The following MARCHF1 variants were observed in gnomAD, a reference collection of about 807,000 sequenced individuals.
MARCHF1 encodes the protein E3 ubiquitin-protein ligase MARCHF1.
Under a neutral mutation model 54.2 loss-of-function variants are expected in MARCHF1, and 40 were observed. That is an observed-to-expected ratio of 0.74 (90% CI 0.57 to 0.96). The LOEUF is 0.96. Ranked by LOEUF, MARCHF1 falls within the 40% of genes least tolerant of loss-of-function variation. The probability of loss-of-function intolerance (pLI) is 0.00; values close to 1 mark genes in which losing one functional copy is unlikely to be tolerated. For synonymous variants in MARCHF1, 236 were observed against 236.3 expected, an observed-to-expected ratio of 1.00 and a Z score of 0.01; for missense variants, 586 against 656.5, an observed-to-expected ratio of 0.89 and a Z score of 1.17.
Position 163,727,338 on chromosome 4 carries a change from C to T in MARCHF1, c.112-26475G>A, listed in dbSNP as rs371519336. ...TCTTTTTTTTTTTTTGACGGAGTCTCGCTCTGTCGCCCAGGCTGGAGTGCA... is the reference window on the plus strand; with the variant it reads ...TCTTTTTTTTTTTTTGACGGAGTCTTGCTCTGTCGCCCAGGCTGGAGTGCA... On this transcript the variant is annotated intron_variant, in intron 4 of 9. Transcript: ENST00000514618. Among the ~76,000 whole-genome samples the T allele has an allele frequency of 3.1e-4, 47 of 149,244 alleles. No individual in the cohort carries two copies. The East Asian group carries it at 7.1e-3, about 22-fold the overall frequency.
At chr4:163,929,225 T>C (rs1265049454) in intron 3 of MARCHF1, among the ~76,000 whole-genome samples, 1 of 152,036 alleles carries the variant, frequency 6.6e-6, no homozygotes, top group Non-Finnish European at 1.5e-5. Flanking sequence ...GTACATTTCT[T>C]AGGATCACTG....
At chr4:164,122,304 C>T (rs1304725056) in intron 1 of MARCHF1, among the ~76,000 whole-genome samples, 3 of 152,078 alleles carry the variant, frequency 2.0e-5, no homozygotes, top group Non-Finnish European at 4.4e-5. Flanking sequence ...TAATGAAAAG[C>T]AACCCCAACT....
At chr4:163,955,369 CA>C (rs79667612) in intron 3 of MARCHF1, among the ~76,000 whole-genome samples, 1,899 of 93,774 alleles carry the variant, frequency 0.02, 23 homozygotes, top group African/African-American at 0.053. Flanking sequence ...AAAAACAAAG[CA>C]AAAAAAAAAA....
chr4:164,352,666 T>A (rs889348937), intron 1 of MARCHF1, among the ~76,000 whole-genome samples: 1 of 150,372 alleles, frequency 6.7e-6, no homozygotes, highest in African/African-American at 2.4e-5. Flanking sequence ...CATGCCAAAA[T>A]GTAAAGACCA....
chr4:164,339,929 C>A (rs991847258), intron 1 of MARCHF1, among the ~76,000 whole-genome samples: 1 of 151,980 alleles, frequency 6.6e-6, no homozygotes, highest in African/African-American at 2.4e-5. Flanking sequence ...ATATTATTAA[C>A]AATAACATGC....
At chr4:163,950,975 A>T (rs7695658) in intron 3 of MARCHF1, among the ~76,000 whole-genome samples, 2 of 152,134 alleles carry the variant, frequency 1.3e-5, no homozygotes, top group African/African-American at 4.8e-5. Context: ...TTATTGCAAA[A>T]GCATGAAATG....
chr4:164,121,843 C>T (rs891381494), intron 1 of MARCHF1, among the ~76,000 whole-genome samples: 14 of 152,044 alleles, frequency 9.2e-5, no homozygotes, highest in African/African-American at 2.7e-4. Flanking sequence ...ATTCACTCTA[C>T]AACATCAGTA....
intron 5 of MARCHF1, among the ~76,000 whole-genome samples, chr4:163,653,464 A>C (rs913737378): frequency 6.6e-6 from 1 of 151,724 alleles, no homozygotes; most frequent in Non-Finnish European, 1.5e-5. Context: ...AATAGAGTTT[A>C]TGAAGGTAGA....
At chr4:163,800,646 A>G (rs930949864) in intron 4 of MARCHF1, among the ~76,000 whole-genome samples, 11 of 152,062 alleles carry the variant, frequency 7.2e-5, no homozygotes, top group Non-Finnish European at 2.9e-5. Flanking sequence ...CCTTTTCACT[A>G]CGTTTAAGCA....
At chr4:164,094,753 C>A (rs1305741405) in intron 2 of MARCHF1, among the ~76,000 whole-genome samples, 1 of 151,816 alleles carries the variant, frequency 6.6e-6, no homozygotes, top group African/African-American at 2.4e-5. Flanking sequence ...CACTGGATTG[C>A]AAATTTAAAA....
At chr4:164,373,570 G>A (rs960704361) in intron 1 of MARCHF1, among the ~76,000 whole-genome samples, 2 of 151,796 alleles carry the variant, frequency 1.3e-5, no homozygotes, top group African/African-American at 4.8e-5. Flanking sequence ...GGCCAGGCTG[G>A]TCTTGAACTT....
chr4:164,159,618 G>A (rs1477172391), intron 1 of MARCHF1, among the ~76,000 whole-genome samples: 9 of 152,054 alleles, frequency 5.9e-5, no homozygotes, highest in South Asian at 2.1e-4. Flanking sequence ...ATTACAGCAC[G>A]TTCTCAATAT....
chr4:163,939,986 G>T (rs939176587), intron 3 of MARCHF1, among the ~76,000 whole-genome samples: 2 of 152,126 alleles, frequency 1.3e-5, no homozygotes, highest in Non-Finnish European at 2.9e-5. Flanking sequence ...TAGGAGGTGG[G>T]ACTTTTGGAG....
intron 9 of MARCHF1, 139 bp downstream of exon 9, chr4:163,545,457 G>C: frequency 1.4e-6 from 1 of 706,594 alleles, no homozygotes; most frequent in Non-Finnish European, 2.3e-6. Context: ...AACATGATTA[G>C]GGAAGAATCA....
intron 3 of MARCHF1, among the ~76,000 whole-genome samples, chr4:163,956,550 G>A (rs1219786125): frequency 6.6e-6 from 1 of 151,988 alleles, no homozygotes; most frequent in Admixed American, 6.6e-5. Context: ...AACAAATAAA[G>A]ATGATACCAG....
chr4:164,342,115 A>G (rs537921104), intron 1 of MARCHF1, among the ~76,000 whole-genome samples: 2 of 152,294 alleles, frequency 1.3e-5, no homozygotes, highest in South Asian at 4.1e-4. Flanking sequence ...GCAAAAAAAG[A>G]CATATAACCA....
At chr4:163,852,912 C>T (rs556134137) in intron 4 of MARCHF1, among the ~76,000 whole-genome samples, 3 of 152,020 alleles carry the variant, frequency 2.0e-5, no homozygotes, top group Non-Finnish European at 2.9e-5. Flanking sequence ...GTGGGGCCCT[C>T]ATAAATGGTA....
chr4:163,759,079 A>G (rs1746758382), intron 4 of MARCHF1, among the ~76,000 whole-genome samples: 1 of 151,796 alleles, frequency 6.6e-6, no homozygotes, highest in East Asian at 1.9e-4. Context: ...TGTATTTTCA[A>G]TTATCTTTTA....
intron 2 of MARCHF1, among the ~76,000 whole-genome samples, chr4:164,053,338 G>A (rs187233772): frequency 2.0e-5 from 3 of 152,150 alleles, no homozygotes; most frequent in African/African-American, 7.2e-5. Context: ...TTTCATATGT[G>A]TCAACCCCAA....
Sources: allele counts gnomAD v4.1 joint callset (sites outside exome capture counted in the v4.1 genomes callset), GRCh38; gene constraint gnomAD v4.1.1; transcripts MANE v1.5; gene names NCBI Gene and HGNC (gene_info 2026-07-23, HGNC 2026-07-21).